SECISBP2L: variants seen among roughly 807,000 people sequenced by gnomAD.
SECISBP2L encodes the protein SECIS binding protein 2 like.
In SECISBP2L, 43 loss-of-function variants were observed where a neutral mutation model predicts 114.7. The ratio of observed to expected loss-of-function variants is 0.38; its 90% CI spans 0.29 to 0.48. The LOEUF is 0.48. Ranked by LOEUF, SECISBP2L falls within the 20% of genes least tolerant of loss-of-function variation. The probability of loss-of-function intolerance (pLI) is 0.98; values close to 1 mark genes in which losing one functional copy is unlikely to be tolerated. For missense variants in SECISBP2L, 1,136 were observed against 1,301.1 expected (o/e 0.87, Z 1.95); for synonymous variants, 451 against 439.7 (o/e 1.03, Z -0.32).
Position 48,990,652 on chromosome 15 carries a change from A to G in SECISBP2L, c.*1592T>C, listed in dbSNP as rs1377696137. 6.6e-6 allele frequency: 1 copy of G among 152,594 alleles called. No individual in the cohort carries two copies. The highest frequency in any genetic ancestry group is 1.9e-4 in the East Asian group (1 of 5,196). 9.5% of individuals were successfully genotyped at this position (152,594 alleles called of 1,614,324 possible). A position where few individuals can be genotyped will look rare whatever the true frequency, so the allele number is the denominator to read the frequency against. ...CAGTAATTAAATGCCAGCATTATAA[A>G]ACATCAAAACTAGCACAGTAGTCCC... On this transcript the variant is annotated 3_prime_UTR_variant, in exon 18 of 18. Coordinates refer to ENST00000559471, the MANE Select transcript of SECISBP2L (RefSeq NM_001193489.2).
chr15:48,996,611 A>G, intron 16 of SECISBP2L, 25 bp from the exon 17 acceptor site: 1 of 1,593,042 alleles, frequency 6.3e-7, no homozygotes, highest in African/African-American at 1.3e-5. Flanking sequence ...TATTTTGATT[A>G]ATCCATTTTT....
At chr15:49,024,589 T>C (rs1902704871) in intron 7 of SECISBP2L, among the ~76,000 whole-genome samples, 1 of 151,952 alleles carries the variant, frequency 6.6e-6, no homozygotes, top group Admixed American at 6.6e-5. Flanking sequence ...TTAACTACTT[T>C]GAAAATTTTG....
chr15:49,019,387 A>G (rs370531130), intron 8 of SECISBP2L, 31 bp downstream of exon 8: 2 of 1,378,586 alleles, frequency 1.5e-6, no homozygotes, highest in East Asian at 5.8e-5. Context: ...ATTTCCTATA[A>G]CAGCTTACAA....
intron 3 of SECISBP2L, among the ~76,000 whole-genome samples, chr15:49,034,369 T>C (rs1902960450): frequency 6.6e-6 from 1 of 152,120 alleles, no homozygotes; most frequent in South Asian, 2.1e-4. Context: ...GTTAAAAAGT[T>C]AACTAAAATT....
intron 14 of SECISBP2L, among the ~76,000 whole-genome samples, chr15:49,001,459 CTT>C (rs35210250): frequency 2.8e-4 from 40 of 144,514 alleles, no homozygotes; most frequent in African/African-American, 4.1e-4. Flanking sequence ...ACATCGTATT[CTT>C]TTTTTTTTTT....
rs1057462510 is a variant in SECISBP2L, at chr15:48,990,470, C to G, written c.*1774G>C. On this transcript the variant is annotated 3_prime_UTR_variant, in exon 18 of 18. Transcript: ENST00000559471. ...TCCTTTAAATATTGGATATTTAGTG[C>G]CTAGGAAGTCTATACTGGAGAACAG... The G allele has an allele frequency of 2.0e-5, 3 of 152,316 alleles. No homozygotes were observed. The highest frequency in any genetic ancestry group is 4.4e-5 in the Non-Finnish European group (3 of 68,008). 9.4% of individuals were successfully genotyped at this position (152,316 alleles called of 1,614,324 possible). A position where few individuals can be genotyped will look rare whatever the true frequency, so the allele number is the denominator to read the frequency against.
intron 11 of SECISBP2L, 95 bp downstream of exon 11, chr15:49,016,465 C>T: frequency 1.9e-6 from 2 of 1,041,858 alleles, no homozygotes; most frequent in Non-Finnish European, 2.8e-6. Flanking sequence ...CATATATATA[C>T]ACATACATAT....
At chr15:49,033,481 G>T (rs188731908) in intron 3 of SECISBP2L, among the ~76,000 whole-genome samples, 1 of 152,180 alleles carries the variant, frequency 6.6e-6, no homozygotes, top group African/African-American at 2.4e-5. Context: ...GTAAATTTTA[G>T]TTTCAGAAAA....
chr15:49,007,161 C>T (rs1379842284), intron 14 of SECISBP2L, among the ~76,000 whole-genome samples: 1 of 152,212 alleles, frequency 6.6e-6, no homozygotes, highest in Non-Finnish European at 1.5e-5. Flanking sequence ...CTGTTCCTTC[C>T]TCTGGAGCTT....
At chr15:49,000,032 T>C in intron 15 of SECISBP2L, 45 bp from the exon 16 acceptor site, 1 of 1,600,396 alleles carries the variant, frequency 6.2e-7, no homozygotes, top group Non-Finnish European at 8.5e-7. Context: ...GTTGCCTACA[T>C]GGAGCTAATT....
intron 13 of SECISBP2L, 145 bp downstream of exon 13, chr15:49,011,586 A>G (rs1902436748): frequency 2.1e-6 from 2 of 970,754 alleles, no homozygotes; most frequent in Middle Eastern, 2.9e-4. Flanking sequence ...GCATCTTTAA[A>G]AGAAACCACT....
chr15:49,018,283 T>A (rs1390327684), intron 8 of SECISBP2L, among the ~76,000 whole-genome samples: 1 of 149,208 alleles, frequency 6.7e-6, no homozygotes, highest in African/African-American at 2.5e-5. Flanking sequence ...TGAGATGGAG[T>A]TTCACTATTG....
chr15:49,002,476 T>G (rs1249186951), intron 14 of SECISBP2L, among the ~76,000 whole-genome samples: 1 of 152,216 alleles, frequency 6.6e-6, no homozygotes. Flanking sequence ...CTGTCAATTT[T>G]GGCTTTTGTT....
chr15:49,006,906 G>A (rs1341797181), intron 14 of SECISBP2L, among the ~76,000 whole-genome samples: 6 of 152,220 alleles, frequency 3.9e-5, no homozygotes, highest in South Asian at 2.1e-4. Flanking sequence ...GCCTTTTTGC[G>A]CTGGTTTTTC....
intron 17 of SECISBP2L, 29 bp downstream of exon 17, chr15:48,996,338 G>T: frequency 6.4e-7 from 1 of 1,563,728 alleles, no homozygotes; most frequent in Non-Finnish European, 8.8e-7. Flanking sequence ...CATGGTTTAA[G>T]TCATTTAAAA....
chr15:48,996,042 T>C (rs1420355905), intron 17 of SECISBP2L: 3 of 247,608 alleles, frequency 1.2e-5, no homozygotes, highest in Non-Finnish European at 2.3e-5. Context: ...TATAAAATTT[T>C]AGTAACTGAG....
chr15:49,020,490 C>A (rs1391384675), intron 7 of SECISBP2L, among the ~76,000 whole-genome samples: 1 of 152,044 alleles, frequency 6.6e-6, no homozygotes, highest in Non-Finnish European at 1.5e-5. Context: ...GAGATTAAGG[C>A]ATGAGTCACA....
At chr15:49,006,997 T>G (rs969359224) in intron 14 of SECISBP2L, among the ~76,000 whole-genome samples, 10 of 152,232 alleles carry the variant, frequency 6.6e-5, no homozygotes, top group Non-Finnish European at 1.3e-4. Context: ...ATCCTTTTTG[T>G]TGATGTTGAT....
intron 1 of SECISBP2L, 117 bp downstream of exon 1, chr15:49,046,159 G>T: frequency 1.7e-6 from 2 of 1,192,130 alleles, no homozygotes; most frequent in Non-Finnish European, 2.3e-6. Context: ...CCCAGGTGAG[G>T]GGGTCTGCGG....
Sources: allele counts gnomAD v4.1 joint callset (sites outside exome capture counted in the v4.1 genomes callset), GRCh38; gene constraint gnomAD v4.1.1; transcripts MANE v1.5; gene names NCBI Gene and HGNC (gene_info 2026-07-23, HGNC 2026-07-21).